The following COL4A4 variants were observed in gnomAD, a reference collection of about 807,000 sequenced individuals.
The protein encoded by COL4A4 is collagen alpha-4(IV) chain.
In COL4A4, 105 loss-of-function variants were observed where a neutral mutation model predicts 192.9. The ratio of observed to expected loss-of-function variants is 0.54; its 90% CI spans 0.46 to 0.64. The LOEUF is 0.64. COL4A4 is among the 30% of genes least tolerant of loss of function. The pLI is 0.00. For missense variants in COL4A4, 1,967 were observed against 2,169.3 expected (o/e 0.91, Z 1.85); for synonymous variants, 762 against 769.9 (o/e 0.99, Z 0.17).
intron 7 of COL4A4, among the ~76,000 whole-genome samples, chr2:227,116,323 C>T (rs1559664706): frequency 1.3e-5 from 2 of 152,164 alleles, no homozygotes; most frequent in African/African-American, 4.8e-5. Flanking sequence ...AGGTTTCAAA[C>T]TTTAAGATCA....
At chr2:227,143,851 T>A (rs1333853828) in intron 3 of COL4A4, among the ~76,000 whole-genome samples, 1 of 152,232 alleles carries the variant, frequency 6.6e-6, no homozygotes, top group East Asian at 1.9e-4. Context: ...AACCACTGGC[T>A]CCTCATTCTT....
Position 227,122,278 on chromosome 2 carries a change from G to A in COL4A4, c.193-1130C>T, listed in dbSNP as rs116366751. ...TCCCAGCACTCTGGGAGGCCGAGGC[G>A]GGCAGATCACCTGAGGTCAAGAGTT... On this transcript the variant is annotated intron_variant, in intron 4 of 47. Coordinates refer to ENST00000396625, the MANE Select transcript of COL4A4 (RefSeq NM_000092.5). Among the ~76,000 whole-genome samples, 937 of 152,258 alleles carry A rather than the reference G, an allele frequency of 6.2e-3. 6 individuals are homozygous for A. Among genetic ancestry groups the A allele is most frequent in the African/African-American group, 0.021 (883 of 41,532 alleles).
In COL4A4 at chr2:227,103,171, A is replaced by G. The variant is rs1335068296; in HGVS notation, c.843T>C (p.Val281=). Residue 281 remains valine (V), a synonymous_variant, in exon 14 of 48, where the codon GTT becomes GTC. Coordinates refer to ENST00000396625, the MANE Select transcript of COL4A4 (RefSeq NM_000092.5). ...TGCGTCCTGGTGGTCCTGGCAGTCC[A>G]ACCATTCCAGGAATTCCTTTTATAC... is the stretch of plus-strand genomic sequence containing the variant. ...EKGIKGIPGM[V]GLPGPPGRKG... 2 of 1,613,242 alleles carry G rather than the reference A, an allele frequency of 1.2e-6. No individual in the cohort carries two copies. Among genetic ancestry groups the G allele is most frequent in the Middle Eastern group, 1.7e-4 (1 of 6,028 alleles).
chr2:227,163,514 AAC>A (rs2065023325), intron 1 of COL4A4, among the ~76,000 whole-genome samples: 2 of 152,244 alleles, frequency 1.3e-5, no homozygotes, highest in African/African-American at 2.4e-5. Context: ...TCTTCTGAGA[AAC>A]AGTCTAATTG....
At chr2:227,090,552 C>A (rs910328994) in intron 20 of COL4A4, among the ~76,000 whole-genome samples, 1 of 151,916 alleles carries the variant, frequency 6.6e-6, no homozygotes, top group Non-Finnish European at 1.5e-5. Context: ...AGTTTGAGAC[C>A]AGCCTGGCCA....
the COL4A4 span, chr2:226,995,386 G>A: frequency 7.9e-7 from 1 of 1,262,494 alleles, no homozygotes; most frequent in Non-Finnish European, 1.2e-6. Flanking sequence ...CACATGCCTT[G>A]TCACGTCAGA....
chr2:227,049,751 A>T (rs1973662915), intron 34 of COL4A4, among the ~76,000 whole-genome samples: 1 of 152,204 alleles, frequency 6.6e-6, no homozygotes, highest in Non-Finnish European at 1.5e-5. Flanking sequence ...CGGCCCACTG[A>T]CATGGATCTG....
the COL4A4 span, among the ~76,000 whole-genome samples, chr2:226,989,977 A>G: frequency 6.6e-6 from 1 of 152,242 alleles, no homozygotes; most frequent in South Asian, 2.1e-4. Context: ...TGAAGGATAG[A>G]AATGCGAATG....
At position 227,054,591 on chromosome 2, in the gene COL4A4, T is replaced by G. The variant is rs1214723450; in HGVS notation, c.2860+3A>C. On this transcript the variant is annotated splice_donor_region_variant and intron_variant, in intron 31 of 47. Transcript: ENST00000396625. ...GCATGTTGCATGGCTGTATTTTATTTACCTTTGGCCCCTCTCAGTCCCCGG... is the reference window on the plus strand; with the variant it reads ...GCATGTTGCATGGCTGTATTTTATTGACCTTTGGCCCCTCTCAGTCCCCGG... 3.7e-6 allele frequency: 6 copies of G among 1,614,034 alleles called. No individual in the cohort carries two copies. Among genetic ancestry groups the G allele is most frequent in the Non-Finnish European group, 5.1e-6 (6 of 1,180,004 alleles).
At chr2:227,159,762 G>C (rs186496046) in intron 1 of COL4A4, among the ~76,000 whole-genome samples, 10 of 152,282 alleles carry the variant, frequency 6.6e-5, no homozygotes, top group Non-Finnish European at 1.0e-4. Context: ...ATGATTGTAA[G>C]TTTCCTGAGG....
Position 227,045,903 on chromosome 2 carries a change from A to ATG in COL4A4, c.3289+1571_3289+1572insCA, listed in dbSNP as rs1181682187. On this transcript the variant is annotated intron_variant, in intron 35 of 47. Coordinates refer to ENST00000396625, the MANE Select transcript of COL4A4 (RefSeq NM_000092.5). ...ATATATGTATATATATTTAGATAGT[A>ATG]TATATATGTATGTATATGTATATGT... 2.1e-3 allele frequency among the ~76,000 whole-genome samples: 185 copies of ATG among 90,228 alleles called. 41 individuals carry two copies. The highest frequency in any genetic ancestry group is 7.6e-3 in the African/African-American group (163 of 21,358). 59.2% of individuals were successfully genotyped at this position (90,228 alleles called of 152,430 possible). A position where few individuals can be genotyped will look rare whatever the true frequency, so the allele number is the denominator to read the frequency against.
chr2:227,002,476 G>A (rs546020423), downstream of COL4A4, among the ~76,000 whole-genome samples: 2 of 152,304 alleles, frequency 1.3e-5, no homozygotes, highest in Admixed American at 1.3e-4. Context: ...AGCAGCTCCC[G>A]TGGGGTTGAT....
At chr2:227,018,281 G>A (rs781028207) in intron 44 of COL4A4, among the ~76,000 whole-genome samples, 3 of 152,116 alleles carry the variant, frequency 2.0e-5, no homozygotes, top group African/African-American at 7.2e-5. Context: ...GCCCAGGCTG[G>A]AGTGGTGTAT....
intron 25 of COL4A4, among the ~76,000 whole-genome samples, chr2:227,072,738 T>C (rs1232086976): frequency 6.6e-6 from 1 of 152,104 alleles, no homozygotes; most frequent in African/African-American, 2.4e-5. Context: ...GATGTAGGGA[T>C]GGTTTAATAT....
At chr2:227,087,812 A>G (rs1228820371) in intron 22 of COL4A4, among the ~76,000 whole-genome samples, 1 of 152,064 alleles carries the variant, frequency 6.6e-6, no homozygotes, top group South Asian at 2.1e-4. Flanking sequence ...AAAGGCTCAG[A>G]CCTCACCCAT....
chr2:227,162,890 T>A (rs1444838009), intron 1 of COL4A4, among the ~76,000 whole-genome samples: 1 of 152,254 alleles, frequency 6.6e-6, no homozygotes, highest in East Asian at 1.9e-4. Flanking sequence ...GTAAGATTCA[T>A]GCTATAGTCA....
intron 4 of COL4A4, among the ~76,000 whole-genome samples, chr2:227,139,776 T>C (rs987445879): frequency 1.3e-5 from 2 of 152,250 alleles, no homozygotes; most frequent in Non-Finnish European, 2.9e-5. Context: ...GAAAGAGTCC[T>C]GTGGTCAACT....
intron 22 of COL4A4, among the ~76,000 whole-genome samples, chr2:227,084,022 T>C (rs2059455969): frequency 6.6e-6 from 1 of 152,216 alleles, no homozygotes; most frequent in East Asian, 1.9e-4. Flanking sequence ...ATCTCTGATA[T>C]CACTCTAGTA....
intron 1 of COL4A4, among the ~76,000 whole-genome samples, chr2:227,157,279 T>G (rs761950268): frequency 2.6e-5 from 4 of 151,984 alleles, no homozygotes; most frequent in Non-Finnish European, 5.9e-5. Flanking sequence ...ATATCAAAAT[T>G]TATAGGATGC....
Sources: gnomAD v4.1 joint callset for allele counts (sites outside exome capture counted in the v4.1 genomes callset) on GRCh38, gnomAD v4.1.1 for gene constraint, MANE v1.5 for transcripts, NCBI Gene and HGNC (gene_info 2026-07-23, HGNC 2026-07-21) for gene names.